Variants in BCAT1 observed in about 807,000 individuals in gnomAD.
The protein encoded by BCAT1 is branched chain amino acid transaminase 1.
Under a neutral mutation model 52.4 loss-of-function variants are expected in BCAT1, and 48 were observed. The ratio of observed to expected loss-of-function variants is 0.92; its 90% confidence interval spans 0.73 to 1.16. BCAT1 has a LOEUF of 1.16. Among genes scored for constraint, BCAT1 ranks in the 50% most tolerant of loss-of-function variants. The probability of loss-of-function intolerance (pLI) is 0.00; values close to 1 mark genes in which losing one functional copy is unlikely to be tolerated. For synonymous variants in BCAT1, 167 were observed against 161.3 expected (o/e 1.04, Z -0.27); for missense variants, 451 against 457.1 (o/e 0.99, Z 0.12).
At position 24,842,034 on chromosome 12, in the gene BCAT1, T is replaced by C. The variant is rs776889314; in HGVS notation, c.817+48A>G. The C allele has an allele frequency of 5.0e-6, 8 of 1,593,988 alleles. No individual in the cohort carries two copies. In the Admixed American group the frequency reaches 1.2e-4, roughly 24 times the overall value. ...TTTCTAGCTCTTGTCTTTCTGGTCC[T>C]GTTGAAAATGACTGAGAAATGCACA... On this transcript the variant is annotated intron_variant, in intron 7 of 10. Coordinates refer to ENST00000261192, the MANE Select transcript of BCAT1 (RefSeq NM_005504.7).
At chr12:24,861,011 G>C (rs948495836) in intron 5 of BCAT1, among the ~76,000 whole-genome samples, 1 of 152,178 alleles carries the variant, frequency 6.6e-6, no homozygotes, top group Non-Finnish European at 1.5e-5. Context: ...AGCATAATAA[G>C]ACTAAAGCTT....
intron 6 of BCAT1, among the ~76,000 whole-genome samples, chr12:24,843,702 A>G (rs1295111815): frequency 2.0e-5 from 3 of 152,140 alleles, no homozygotes; most frequent in Non-Finnish European, 4.4e-5. Context: ...TAGTCTTTCT[A>G]TAGAGCTATG....
At position 24,901,848 on chromosome 12, in the gene BCAT1, T is replaced by C. The variant is rs1398307635; in HGVS notation, c.44A>G (p.Glu15Gly). 7.4e-6 allele frequency: 12 copies of C among 1,613,814 alleles called. 2 individuals carry two copies. The Admixed American group carries it at 2.0e-4, about 27-fold the overall frequency. Residue 15 changes from glutamate to glycine, a missense_variant, in exon 2 of 11, where the codon GAA (glutamate) becomes GGA (glycine). By Grantham distance (98) the Glu-to-Gly change is moderately conservative (BLOSUM62 -2). Coordinates refer to ENST00000261192, the MANE Select transcript of BCAT1 (RefSeq NM_005504.7). ...CCCCACCACCTCTTTTGATCCTCCT[T>C]CTCCGGTACACTCTGCGGAGCATCC... ...SNGCSAECTGEGGSKEVVGTF... is the reference protein window; with the variant it reads ...SNGCSAECTGGGGSKEVVGTF...
chr12:24,830,414 A>G (rs1004082897), intron 9 of BCAT1: 2 of 152,192 alleles, frequency 1.3e-5, no homozygotes, highest in African/African-American at 4.8e-5. Context: ...GCCCAAGGTA[A>G]ACTTCCAGGG....
chr12:24,823,380 T>A (rs989228353), intron 10 of BCAT1, among the ~76,000 whole-genome samples: 1 of 152,168 alleles, frequency 6.6e-6, no homozygotes, highest in South Asian at 2.1e-4. Context: ...GGCCACCTTC[T>A]TCATTTTTTT....
intron 10 of BCAT1, among the ~76,000 whole-genome samples, chr12:24,827,927 C>A (rs181885262): frequency 6.6e-6 from 1 of 151,976 alleles, no homozygotes; most frequent in Non-Finnish European, 1.5e-5. Flanking sequence ...TTTTATTTCC[C>A]TTTTTTTAGA....
At chr12:24,939,998 T>C (rs947956586) in intron 1 of BCAT1, among the ~76,000 whole-genome samples, 11 of 152,166 alleles carry the variant, frequency 7.2e-5, no homozygotes, top group African/African-American at 2.7e-4. Flanking sequence ...ATCAAATATA[T>C]AAATATATAC....
In BCAT1 at chr12:24,817,831, T is replaced by C; in HGVS notation, c.*177A>G. On this transcript the variant is annotated 3_prime_UTR_variant, in exon 11 of 11. Transcript: ENST00000261192. ...TACCAAGTTATGAAACACCATTTGA[T>C]GATTGCAATTCATTTTCTCTGGCAT... 1 of 639,898 alleles carries C rather than the reference T, an allele frequency of 1.6e-6. No homozygotes were observed. 39.6% of individuals were successfully genotyped at this position (639,898 alleles called of 1,614,324 possible). A position where few individuals can be genotyped will look rare whatever the true frequency, so the allele number is the denominator to read the frequency against.
chr12:24,879,883 A>G (rs1213595812), intron 4 of BCAT1, among the ~76,000 whole-genome samples: 3 of 152,216 alleles, frequency 2.0e-5, no homozygotes, highest in Admixed American at 1.3e-4. Context: ...GTGAAACTAC[A>G]TAACACAGTT....
intron 5 of BCAT1, among the ~76,000 whole-genome samples, chr12:24,860,336 A>T (rs758623806): frequency 1.3e-5 from 2 of 152,212 alleles, no homozygotes; most frequent in African/African-American, 2.4e-5. Context: ...ATAACCTTCT[A>T]GTGACTTTTT....
intron 1 of BCAT1, 82 bp downstream of exon 1, chr12:24,948,845 C>A: frequency 2.0e-6 from 3 of 1,489,942 alleles, no homozygotes; most frequent in South Asian, 2.4e-5. Context: ...CCCCTCCCTG[C>A]CAACTATGTT....
In BCAT1 at chr12:24,881,469, A is replaced by T. The variant is rs1033153354; in HGVS notation, c.280-58T>A. ...AACCAAAAGAAAACAACCCGTGTTC[A>T]AGAGACTGACTTTCCTATGGGCGTT... On this transcript the variant is annotated intron_variant, in intron 3 of 10. Coordinates refer to ENST00000261192, the MANE Select transcript of BCAT1 (RefSeq NM_005504.7). 11 of 1,157,066 alleles carry T rather than the reference A, an allele frequency of 9.5e-6. No homozygotes were observed. In the African/African-American group the frequency reaches 1.7e-4, roughly 18 times the overall value. The allele number at this position is 1,157,066 out of a possible 1,614,324, so 71.7% of individuals were successfully genotyped here.
At chr12:24,916,133 T>G (rs528104421) in intron 1 of BCAT1, among the ~76,000 whole-genome samples, 2 of 152,304 alleles carry the variant, frequency 1.3e-5, no homozygotes, top group South Asian at 4.1e-4. Context: ...CACTCCAGAA[T>G]GGGTGACAGA....
At chr12:24,866,394 G>T (rs988530921) in intron 5 of BCAT1, among the ~76,000 whole-genome samples, 1 of 152,216 alleles carries the variant, frequency 6.6e-6, no homozygotes, top group African/African-American at 2.4e-5. Context: ...CACCGCTGTG[G>T]GATCCTGTGC....
At chr12:24,867,271 A>C (rs1327918942) in intron 5 of BCAT1, among the ~76,000 whole-genome samples, 1 of 151,946 alleles carries the variant, frequency 6.6e-6, no homozygotes, top group Non-Finnish European at 1.5e-5. Flanking sequence ...TTCATTCTTG[A>C]AGTCAGTGAG....
intron 5 of BCAT1, among the ~76,000 whole-genome samples, chr12:24,873,553 T>C (rs1047475530): frequency 3.3e-5 from 5 of 152,216 alleles, no homozygotes; most frequent in African/African-American, 7.2e-5. Context: ...TTATGTATTA[T>C]AGGCTATACC....
Position 24,859,618 on chromosome 12 carries a change from C to CAAAAAAA in BCAT1, c.511-9676_511-9670dup, listed in dbSNP as rs71063366. 5.2e-3 allele frequency among the ~76,000 whole-genome samples: 492 copies of CAAAAAAA among 93,952 alleles called. 1 individual carries two copies. Among genetic ancestry groups the CAAAAAAA allele is most frequent in the African/African-American group, 0.018 (453 of 24,678 alleles). 61.6% of individuals were successfully genotyped at this position (93,952 alleles called of 152,430 possible). On this transcript the variant is annotated intron_variant, in intron 5 of 10. Coordinates refer to ENST00000261192, the MANE Select transcript of BCAT1 (RefSeq NM_005504.7). ...CTGGGCGACAGAGCCAGACTCGTCT[C>CAAAAAAA]AAAAAAAAAAAAAAAAAAAAAGGAT...
chr12:24,867,397 A>G (rs1041959541), intron 5 of BCAT1, among the ~76,000 whole-genome samples: 1 of 144,528 alleles, frequency 6.9e-6, no homozygotes, highest in Admixed American at 7.0e-5. Flanking sequence ...GCATTCCACA[A>G]TTGTTATTGG....
intron 1 of BCAT1, among the ~76,000 whole-genome samples, chr12:24,919,897 T>G (rs1193422189): frequency 1.3e-5 from 2 of 152,208 alleles, no homozygotes; most frequent in African/African-American, 4.8e-5. Flanking sequence ...CCCCTTTCGC[T>G]TGGTTCTCAT....
Sources: gnomAD v4.1 joint callset for allele counts (sites outside exome capture counted in the v4.1 genomes callset) on GRCh38, gnomAD v4.1.1 for gene constraint, MANE v1.5 for transcripts, NCBI Gene and HGNC (gene_info 2026-07-23, HGNC 2026-07-21) for gene names.